The following KCTD20 variants were observed in gnomAD, a reference collection of about 807,000 sequenced individuals.
KCTD20 encodes potassium channel tetramerization domain containing 20.
KCTD20 carries 30 observed loss-of-function variants against 39.6 expected under a neutral mutation model. The ratio of observed to expected loss-of-function variants is 0.76; its 90% confidence interval spans 0.57 to 1.03. The LOEUF is 1.03. Among genes scored for constraint, KCTD20 ranks in the 50% least tolerant of loss-of-function variants. The pLI is 0.00. For missense variants in KCTD20, 422 were observed against 522.0 expected, an observed-to-expected ratio of 0.81 and a Z score of 1.87; for synonymous variants, 162 against 180.6, an observed-to-expected ratio of 0.90 and a Z score of 0.83.
intron 4 of KCTD20, 42 bp downstream of exon 4, chr6:36,479,265 C>A: frequency 7.4e-7 from 1 of 1,348,816 alleles, no homozygotes; most frequent in Non-Finnish European, 1.1e-6. Flanking sequence ...TCCTCAGGGG[C>A]ATGTGTGATC....
rs534451125 is a variant in KCTD20, at chr6:36,485,735, C to T, written c.967+911C>T. On this transcript the variant is annotated intron_variant, in intron 7 of 7. Coordinates refer to ENST00000373731, the MANE Select transcript of KCTD20 (RefSeq NM_173562.5). ...GTCTCAATCTCCTGACCTCGTGATC[C>T]GCCGCCTCGGCCTCCCTAAGTGCTG... is the stretch of plus-strand genomic sequence containing the variant. Among the ~76,000 whole-genome samples, 23 of 152,078 alleles carry T rather than the reference C, an allele frequency of 1.5e-4. No individual in the cohort carries two copies. The East Asian group carries it at 2.5e-3, about 17-fold the overall frequency.
At chr6:36,477,466 G>C (rs1481200608) in intron 3 of KCTD20, among the ~76,000 whole-genome samples, 1 of 150,538 alleles carries the variant, frequency 6.6e-6, no homozygotes, top group Non-Finnish European at 1.5e-5. Context: ...ATGTGAAATG[G>C]AATCATTTTC....
In KCTD20 at chr6:36,455,162, C is replaced by A. The variant is rs952687711; in HGVS notation, c.-47+12051C>A. ...GTGGCTTACGCCTGTAATCCCAGCA[C>A]TTTGGGAGGCTGAGGTGGGCGGATC... On this transcript the variant is annotated intron_variant, in intron 1 of 7. Coordinates refer to ENST00000373731, the MANE Select transcript of KCTD20 (RefSeq NM_173562.5). 2.6e-5 allele frequency among the ~76,000 whole-genome samples: 4 copies of A among 151,810 alleles called. No individual in the cohort carries two copies. The East Asian group carries it at 7.8e-4, about 30-fold the overall frequency.
intron 7 of KCTD20, among the ~76,000 whole-genome samples, chr6:36,486,620 T>G (rs922482493): frequency 5.3e-5 from 8 of 152,242 alleles, no homozygotes; most frequent in African/African-American, 1.9e-4. Flanking sequence ...GAGGCTTCTC[T>G]CCTCTTTCCA....
At chr6:36,452,999 CTTTTTTT>C (rs59865602) in intron 1 of KCTD20, among the ~76,000 whole-genome samples, 31 of 58,144 alleles carry the variant, frequency 5.3e-4, no homozygotes, top group African/African-American at 1.1e-3. Context: ...GTTTTCTTAG[CTTTTTTT>C]TTTTTTTTTT....
chr6:36,465,521 A>C (rs1262163385), intron 1 of KCTD20: 2 of 75,160 alleles, frequency 2.7e-5, no homozygotes, highest in African/African-American at 1.0e-4. Flanking sequence ...AAAATATATA[A>C]ATTTATTATC....
At chr6:36,471,807 C>T (rs932391203) in intron 2 of KCTD20, among the ~76,000 whole-genome samples, 3 of 151,544 alleles carry the variant, frequency 2.0e-5, no homozygotes, top group African/African-American at 7.3e-5. Context: ...GGGGAGAAAT[C>T]AAGCATTCTA....
rs994732316 is a variant in KCTD20, at chr6:36,488,790, T to C, written c.*1615T>C. The C allele has an allele frequency of 5.9e-5, 9 of 152,648 alleles. No homozygotes were observed. Among genetic ancestry groups the C allele is most frequent in the Admixed American group, 5.9e-4 (9 of 15,286 alleles). 9.5% of individuals were successfully genotyped at this position (152,648 alleles called of 1,614,324 possible). On this transcript the variant is annotated 3_prime_UTR_variant, in exon 8 of 8. Coordinates refer to ENST00000373731, the MANE Select transcript of KCTD20 (RefSeq NM_173562.5). ...TCCAAAGATAAAAGCCAGGTAGATGTTGAAAGCTCTTTCCAGGGCTGAAAA... is the reference window on the plus strand; with the variant it reads ...TCCAAAGATAAAAGCCAGGTAGATGCTGAAAGCTCTTTCCAGGGCTGAAAA...
At chr6:36,464,625 A>T (rs1440874141) in intron 1 of KCTD20, among the ~76,000 whole-genome samples, 5 of 151,834 alleles carry the variant, frequency 3.3e-5, no homozygotes, top group Non-Finnish European at 5.9e-5. Flanking sequence ...CCCAAACTTC[A>T]TCCCATTTTA....
intron 1 of KCTD20, among the ~76,000 whole-genome samples, chr6:36,456,578 CTTTT>C (rs58002986): frequency 1.9e-5 from 2 of 106,976 alleles, no homozygotes; most frequent in African/African-American, 3.5e-5. Flanking sequence ...CACGCCCAGG[CTTTT>C]TTTTTTTTTT....
intron 3 of KCTD20, among the ~76,000 whole-genome samples, chr6:36,476,732 C>T (rs1282489104): frequency 4.6e-5 from 7 of 152,190 alleles, no homozygotes; most frequent in African/African-American, 1.7e-4. Flanking sequence ...CTGGCCACAG[C>T]GAACCACTTT....
In KCTD20 at chr6:36,463,703, A is replaced by G. The variant is rs114034249; in HGVS notation, c.-46-6349A>G. Among the ~76,000 whole-genome samples the G allele has an allele frequency of 5.7e-3, 874 of 152,312 alleles. 8 individuals carry two copies. Among genetic ancestry groups the G allele is most frequent in the African/African-American group, 0.02 (829 of 41,556 alleles). ...CTGGATGCCATCATCTTTGAGGAAC[A>G]GCCCTCACCAGATACCCAATTTGCC... On this transcript the variant is annotated intron_variant, in intron 1 of 7. Coordinates refer to ENST00000373731, the MANE Select transcript of KCTD20 (RefSeq NM_173562.5).
Position 36,481,728 on chromosome 6 carries a change from C to T in KCTD20, c.825C>T (p.His275=), listed in dbSNP as rs1368539464. ...ATTCTGTGGACTGGGATGAAGACCA[C>T]CCTCCACCAATGGGGGAGGAATATT... ...DEDSVDWDED[H]PPPMGEEYSQ... Residue 275 remains histidine (H), a synonymous_variant, in exon 6 of 8, where the codon CAC becomes CAT. Coordinates refer to ENST00000373731, the MANE Select transcript of KCTD20 (RefSeq NM_173562.5). 2.0e-5 allele frequency: 32 copies of T among 1,614,190 alleles called. No homozygotes were observed. The highest frequency in any genetic ancestry group is 2.5e-5 in the Non-Finnish European group (29 of 1,180,028).
chr6:36,479,838 C>G, intron 5 of KCTD20, 127 bp downstream of exon 5: 1 of 776,482 alleles, frequency 1.3e-6, no homozygotes, highest in South Asian at 1.7e-5. Context: ...GTCGCCGAGG[C>G]TGGAGTGCAG....
intron 1 of KCTD20, among the ~76,000 whole-genome samples, chr6:36,459,805 C>G (rs1386705918): frequency 6.6e-6 from 1 of 152,166 alleles, no homozygotes; most frequent in Non-Finnish European, 1.5e-5. Context: ...TACATGTTAG[C>G]TCTGTTACTA....
chr6:36,443,807 C>T (rs753167306), intron 1 of KCTD20: 1 of 152,172 alleles, frequency 6.6e-6, no homozygotes, highest in Non-Finnish European at 1.5e-5. Context: ...GAAAATTCCT[C>T]AGTTGAAGAG....
At position 36,487,555 on chromosome 6, in the gene KCTD20, C is replaced by A. The variant is rs1032344284; in HGVS notation, c.*380C>A. The A allele has an allele frequency of 5.3e-5, 9 of 171,308 alleles. No homozygotes were observed. Among genetic ancestry groups the A allele is most frequent in the African/African-American group, 1.9e-4 (8 of 41,970 alleles). The allele number at this position is 171,308 out of a possible 1,614,324, so 10.6% of individuals were successfully genotyped here. A position where few individuals can be genotyped will look rare whatever the true frequency, so the allele number is the denominator to read the frequency against. On this transcript the variant is annotated 3_prime_UTR_variant, in exon 8 of 8. Transcript: ENST00000373731. ...GGTTTTGTTTTTGTCTTGTTTTATACCAGGCAAATTGCTTAGTAGCAAAGG... is the reference window on the plus strand; with the variant it reads ...GGTTTTGTTTTTGTCTTGTTTTATAACAGGCAAATTGCTTAGTAGCAAAGG...
intron 1 of KCTD20, among the ~76,000 whole-genome samples, chr6:36,449,278 T>C (rs1478997051): frequency 6.6e-6 from 1 of 152,014 alleles, no homozygotes; most frequent in South Asian, 2.1e-4. Flanking sequence ...TTTTACGGAG[T>C]GCTGATTGGT....
At position 36,481,544 on chromosome 6, in the gene KCTD20, T is replaced by TA; in HGVS notation, c.659-17dup. ...CATTTAGGCAGAAAGCATGTTCACCTACATTTTCTCTCTGCAGGTGCTTTA... is the reference window on the plus strand; with the variant it reads ...CATTTAGGCAGAAAGCATGTTCACCTAACATTTTCTCTCTGCAGGTGCTTTA... On this transcript the variant is annotated splice_polypyrimidine_tract_variant and intron_variant, in intron 5 of 7. Coordinates refer to ENST00000373731, the MANE Select transcript of KCTD20 (RefSeq NM_173562.5). 6.2e-7 allele frequency: 1 copy of TA among 1,600,946 alleles called. No homozygotes were observed. The highest frequency in any genetic ancestry group is 1.7e-4 in the Middle Eastern group (1 of 6,042).
Sources: gnomAD v4.1 joint callset for allele counts (sites outside exome capture counted in the v4.1 genomes callset) on GRCh38, gnomAD v4.1.1 for gene constraint, MANE v1.5 for transcripts, NCBI Gene and HGNC (gene_info 2026-07-23, HGNC 2026-07-21) for gene names.